Variants in GALK2 observed in about 807,000 individuals in gnomAD.
The protein encoded by GALK2 is N-acetylgalactosamine kinase.
Under a neutral mutation model 52.4 loss-of-function variants are expected in GALK2, and 36 were observed. That is an observed-to-expected ratio of 0.69 (90% CI 0.53 to 0.91). The LOEUF is 0.91. Ranked by LOEUF, GALK2 falls within the 40% of genes least tolerant of loss-of-function variation. The pLI is 0.00. For synonymous variants in GALK2, 176 were observed against 199.1 expected (o/e 0.88, Z 0.98); for missense variants, 579 against 559.1 (o/e 1.04, Z -0.36).
At chr15:49,252,125 G>A (rs2091630146) in intron 5 of GALK2, among the ~76,000 whole-genome samples, 1 of 152,086 alleles carries the variant, frequency 6.6e-6, no homozygotes, top group African/African-American at 2.4e-5. Context: ...AAATTAGCTG[G>A]GTATGATGGT....
intron 7 of GALK2, among the ~76,000 whole-genome samples, chr15:49,289,589 T>C (rs74014921): frequency 0.014 from 2,114 of 152,278 alleles, 48 homozygotes; most frequent in African/African-American, 0.049. Context: ...CTGGGAGTTA[T>C]TGGGTAAATA....
chr15:49,263,896 C>T (rs1298982414), intron 5 of GALK2, among the ~76,000 whole-genome samples: 3 of 151,322 alleles, frequency 2.0e-5, no homozygotes, highest in African/African-American at 4.9e-5. Flanking sequence ...TGAATATTGG[C>T]CCCCACTCTC....
chr15:49,322,264 T>C (rs979943474), intron 9 of GALK2, among the ~76,000 whole-genome samples: 1 of 152,226 alleles, frequency 6.6e-6, no homozygotes, highest in African/African-American at 2.4e-5. Flanking sequence ...ATTCAGGAGC[T>C]CCATCACTTT....
chr15:49,295,971 T>A (rs1465544145), intron 8 of GALK2, among the ~76,000 whole-genome samples: 1 of 152,190 alleles, frequency 6.6e-6, no homozygotes, highest in African/African-American at 2.4e-5. Context: ...AAAGAGCAAT[T>A]TGCTTATCAA....
chr15:49,338,197 C>T (rs867639777), intron 3 of GALK2, among the ~76,000 whole-genome samples: 16 of 152,130 alleles, frequency 1.1e-4, no homozygotes, highest in South Asian at 4.2e-4. Flanking sequence ...TTGTTTTGCC[C>T]GTTAATTATG....
At chr15:49,300,984 A>G (rs1312543027) in intron 8 of GALK2, among the ~76,000 whole-genome samples, 1 of 152,126 alleles carries the variant, frequency 6.6e-6, no homozygotes, top group African/African-American at 2.4e-5. Flanking sequence ...ACACTTCCTT[A>G]AGGATCTTTT....
intron 5 of GALK2, among the ~76,000 whole-genome samples, chr15:49,262,204 C>G (rs2092145758): frequency 6.6e-6 from 1 of 151,902 alleles, no homozygotes; most frequent in South Asian, 2.1e-4. Context: ...GTCCTGGACT[C>G]TTTTTGGTTG....
intron 7 of GALK2, among the ~76,000 whole-genome samples, chr15:49,289,643 C>A (rs923247529): frequency 2.6e-5 from 4 of 152,192 alleles, no homozygotes; most frequent in African/African-American, 9.7e-5. Flanking sequence ...GAGCTTTACA[C>A]ATACAGGTTC....
At chr15:49,266,684 G>T (rs1296731494) in intron 5 of GALK2, among the ~76,000 whole-genome samples, 1 of 152,202 alleles carries the variant, frequency 6.6e-6, no homozygotes, top group African/African-American at 2.4e-5. Flanking sequence ...AGGGGAATCT[G>T]GTTAGTGTCT....
intron 8 of GALK2, among the ~76,000 whole-genome samples, chr15:49,303,286 C>A (rs1336005762): frequency 6.6e-6 from 1 of 152,114 alleles, no homozygotes. Context: ...GTGAACATAC[C>A]TTATTAAGTA....
chr15:49,274,190 T>A (rs181293474), intron 5 of GALK2, among the ~76,000 whole-genome samples: 1 of 152,186 alleles, frequency 6.6e-6, no homozygotes, highest in Non-Finnish European at 1.5e-5. Flanking sequence ...GGTGATTTTG[T>A]CATTGTGTCA....
intron 5 of GALK2, among the ~76,000 whole-genome samples, chr15:49,254,536 A>G (rs2091734094): frequency 6.9e-6 from 1 of 144,182 alleles, no homozygotes; most frequent in East Asian, 1.9e-4. Context: ...TTGTATTTAT[A>G]TTTATTTTCA....
Position 49,239,679 on chromosome 15 carries a change from A to T in GALK2, c.504+312A>T, listed in dbSNP as rs893066082. On this transcript the variant is annotated intron_variant, in intron 5 of 9. Coordinates refer to ENST00000560031, the MANE Select transcript of GALK2 (RefSeq NM_002044.4). The stretch of plus-strand genomic sequence containing the variant: ...TTTAGGGCAAGAAATTCTTCCTCTC[A>T]TGGTTGAGCCTGCTTATTTTCACCC... Among the ~76,000 whole-genome samples the T allele has an allele frequency of 1.3e-5, 2 of 152,186 alleles. 1 individual carries two copies. Among genetic ancestry groups the T allele is most frequent in the Non-Finnish European group, 2.9e-5 (2 of 68,032 alleles).
chr15:49,315,268 A>G (rs2036308391), intron 8 of GALK2, among the ~76,000 whole-genome samples: 1 of 152,248 alleles, frequency 6.6e-6, no homozygotes, highest in East Asian at 1.9e-4. Context: ...ATATTCTTAA[A>G]TTGAATTTGC....
intron 5 of GALK2, among the ~76,000 whole-genome samples, chr15:49,272,828 A>G (rs2030928317): frequency 6.6e-6 from 1 of 152,142 alleles, no homozygotes; most frequent in African/African-American, 2.4e-5. Flanking sequence ...TGAATAAAAT[A>G]CTTTGCTCCA....
chr15:49,160,256 CAG>C (rs958796343), intron 1 of GALK2, among the ~76,000 whole-genome samples: 2 of 151,622 alleles, frequency 1.3e-5, no homozygotes, highest in Non-Finnish European at 2.9e-5. Context: ...GCCTGGGCGA[CAG>C]AGTGAGAGTT....
intron 1 of GALK2, chr15:49,156,426 C>G (rs552481885): frequency 4.5e-6 from 2 of 449,076 alleles, no homozygotes; most frequent in African/African-American, 4.1e-5. Flanking sequence ...AGGCACCCCT[C>G]TACCAGCAGC....
intron 5 of GALK2, among the ~76,000 whole-genome samples, chr15:49,267,984 A>T (rs1270027996): frequency 1.3e-5 from 2 of 152,222 alleles, no homozygotes; most frequent in African/African-American, 4.8e-5. Flanking sequence ...GCATAGTTCC[A>T]GGATTTTAAT....
chr15:49,220,507 C>A (rs1172609711), intron 3 of GALK2, among the ~76,000 whole-genome samples: 4 of 151,920 alleles, frequency 2.6e-5, no homozygotes, highest in Non-Finnish European at 2.9e-5. Context: ...GGTTGATTCC[C>A]TATCTTTGCT....
Sources: allele counts gnomAD v4.1 joint callset (sites outside exome capture counted in the v4.1 genomes callset), GRCh38; gene constraint gnomAD v4.1.1; transcripts MANE v1.5; gene names NCBI Gene and HGNC (gene_info 2026-07-23, HGNC 2026-07-21).